The following ZFP90 variants were observed in gnomAD, a reference collection of about 807,000 sequenced individuals.
ZFP90 encodes the protein ZFP90 zinc finger protein, also known as zinc finger protein 90 homolog.
ZFP90 carries 38 observed loss-of-function variants against 60.8 expected under a neutral mutation model. The ratio of observed to expected loss-of-function variants is 0.62; its 90% CI spans 0.48 to 0.82. The LOEUF is 0.82. Ranked by LOEUF, ZFP90 falls within the 40% of genes least tolerant of loss-of-function variation. The pLI, the probability that ZFP90 is intolerant of heterozygous loss-of-function variation, is 0.00. For synonymous variants in ZFP90, 287 were observed against 264.8 expected, an observed-to-expected ratio of 1.08 and a Z score of -0.82; for missense variants, 711 against 759.1, an observed-to-expected ratio of 0.94 and a Z score of 0.74.
At chr16:68,561,156 A>G (rs28636033) in intron 4 of ZFP90, among the ~76,000 whole-genome samples, 3 of 152,164 alleles carry the variant, frequency 2.0e-5, no homozygotes, top group African/African-American at 7.2e-5. Context: ...AGGCCTCCCA[A>G]AGTGCTGGGA....
chr16:68,576,420 G>T (rs887683647), downstream of ZFP90, among the ~76,000 whole-genome samples: 1 of 152,176 alleles, frequency 6.6e-6, no homozygotes, highest in East Asian at 1.9e-4. Context: ...AAAAGGAAAA[G>T]CTGGGTAATA....
chr16:68,574,251 AAAAAG>A (rs1257620993), intron 2 of ZFP90: 4 of 135,158 alleles, frequency 3.0e-5, no homozygotes, highest in South Asian at 4.4e-4. Context: ...AAAAAAAAAA[AAAAAG>A]GTTTTTCTTT....
At chr16:68,551,885 A>G (rs796157601) in intron 2 of ZFP90, among the ~76,000 whole-genome samples, 5 of 151,998 alleles carry the variant, frequency 3.3e-5, no homozygotes, top group African/African-American at 1.2e-4. Context: ...CAGCCTCCTC[A>G]GTATCTGGGA....
rs774346906 is a variant in ZFP90 at position 68,563,208 on chromosome 16, G to C, written c.421G>C (p.Glu141Gln). ...QENWKRHLGS[E>Q]ASTQKKIITP... ...AAACTGGAAGAGACATCTGGGATCA[G>C]AGGCATCCACCCAGAAGAAAATAAT... The change falls in exon 5 of 5, where the codon GAG (glutamate) becomes CAG (glutamine). Residue 141 changes from glutamate to glutamine, a missense_variant. Coordinates refer to ENST00000563169, the MANE Select transcript of ZFP90 (RefSeq NM_001305203.2). 6.2e-7 allele frequency: 1 copy of C among 1,614,122 alleles called. No homozygotes were observed. The highest frequency in any genetic ancestry group is 2.2e-5 in the East Asian group (1 of 44,892).
chr16:68,575,677 G>T, intron 2 of ZFP90: 1 of 395,210 alleles, frequency 2.5e-6, no homozygotes. Flanking sequence ...ATGCCAGATG[G>T]GAAGACAGGT....
At chr16:68,569,228 C>T (rs576974220), downstream of ZFP90, among the ~76,000 whole-genome samples, 3 of 151,560 alleles carry the variant, frequency 2.0e-5, no homozygotes. Flanking sequence ...CTTCCGCCTA[C>T]CAGGTTGAAG....
upstream of ZFP90, among the ~76,000 whole-genome samples, chr16:68,537,826 T>G (rs1009843005): frequency 7.2e-5 from 11 of 152,208 alleles, no homozygotes; most frequent in Non-Finnish European, 2.9e-5. Flanking sequence ...CCCTGTGCTA[T>G]TGACGTGTTA....
At chr16:68,567,745 G>C (rs1460880876), downstream of ZFP90, among the ~76,000 whole-genome samples, 2 of 152,102 alleles carry the variant, frequency 1.3e-5, no homozygotes, top group Admixed American at 6.5e-5. Context: ...TTTTGCTCAA[G>C]CTAATTTTTT....
Position 68,543,046 on chromosome 16 carries a change from G to A in ZFP90, c.33+3221G>A, listed in dbSNP as rs1010682053. 2.0e-5 allele frequency among the ~76,000 whole-genome samples: 3 copies of A among 152,190 alleles called. No homozygotes were observed. In the South Asian group the frequency reaches 6.2e-4, roughly 32 times the overall value. ...GTCTGAGTGGGGAGGTGGGAGGTTT[G>A]TAGTCGGGGTGCAATTTAAAATGAT... On this transcript the variant is annotated intron_variant, in intron 2 of 4. Transcript: ENST00000563169.
At position 68,565,093 on chromosome 16, in the gene ZFP90, A is replaced by G. The variant is rs2091504807; in HGVS notation, c.*395A>G. The G allele has an allele frequency of 1.0e-6, 1 of 995,890 alleles. No homozygotes were observed. Among genetic ancestry groups the G allele is most frequent in the East Asian group, 1.1e-4 (1 of 9,228 alleles). The allele number at this position is 995,890 out of a possible 1,614,324, so 61.7% of individuals were successfully genotyped here. ...TAAAAATTGCTTGACAACTGCACTC[A>G]ACTGCAGCTCTTACATTAACTTCAC... is the stretch of plus-strand genomic sequence containing the variant. On this transcript the variant is annotated 3_prime_UTR_variant, in exon 5 of 5. Transcript: ENST00000563169.
chr16:68,574,636 C>CG (rs1567418126), intron 2 of ZFP90, among the ~76,000 whole-genome samples: 1 of 152,102 alleles, frequency 6.6e-6, no homozygotes, highest in East Asian at 1.9e-4. Flanking sequence ...ATGAAAGACA[C>CG]GCGTGGACCG....
Position 68,563,151 on chromosome 16 carries a change from G to A in ZFP90, c.364G>A (p.Asp122Asn). Reference protein sequence around the residue: ...LLHATLEDSWDVSSQLDRQQE... With the variant: ...LLHATLEDSWNVSSQLDRQQE... ...ACATGCTACATTAGAAGACTCCTGG[G>A]ATGTTAGCAGCCAGTTAGACAGGCA... The change falls in exon 5 of 5, where the codon GAT becomes AAT. Residue 122 changes from aspartate (D) to asparagine (N), a missense_variant. Asp to Asn is a conservative substitution (Grantham distance 23, BLOSUM62 1). Coordinates refer to ENST00000563169, the MANE Select transcript of ZFP90 (RefSeq NM_001305203.2). The A allele has an allele frequency of 6.2e-7, 1 of 1,614,138 alleles. No individual in the cohort carries two copies. The highest frequency in any genetic ancestry group is 8.5e-7 in the Non-Finnish European group (1 of 1,180,018).
intron 2 of ZFP90, among the ~76,000 whole-genome samples, chr16:68,545,410 A>G (rs1257409881): frequency 6.6e-6 from 1 of 152,198 alleles, no homozygotes; most frequent in Admixed American, 6.5e-5. Flanking sequence ...AGTCACAATG[A>G]GCCTATTTTA....
rs1232664209 is a variant in ZFP90 at position 68,539,696 on chromosome 16, G to T, written c.-35-62G>T. On this transcript the variant is annotated intron_variant, in intron 1 of 4. Transcript: ENST00000563169. Reference sequence around the variant, plus strand: ...GTGGTTTAGGGGCGGAGGTGGGGCGGGGCGGGGCGGGGTGGGGTCGGTGTT... The same window carrying T: ...GTGGTTTAGGGGCGGAGGTGGGGCGTGGCGGGGCGGGGTGGGGTCGGTGTT... 8 of 1,341,604 alleles carry T rather than the reference G, an allele frequency of 6.0e-6. No individual in the cohort carries two copies. The Admixed American group carries it at 1.9e-4, about 31-fold the overall frequency. The allele number at this position is 1,341,604 out of a possible 1,614,324, so 83.1% of individuals were successfully genotyped here. A position where few individuals can be genotyped will look rare whatever the true frequency, so the allele number is the denominator to read the frequency against.
chr16:68,561,164 G>A (rs2091434540), intron 4 of ZFP90, among the ~76,000 whole-genome samples: 1 of 152,166 alleles, frequency 6.6e-6, no homozygotes, highest in Non-Finnish European at 1.5e-5. Context: ...CAAAGTGCTG[G>A]GATTACAGGC....
chr16:68,576,505 G>C (rs2091594753), downstream of ZFP90, among the ~76,000 whole-genome samples: 1 of 152,156 alleles, frequency 6.6e-6, no homozygotes, highest in Non-Finnish European at 1.5e-5. Context: ...CCAGCACTTT[G>C]GGAGGCCGAG....
chr16:68,537,974 G>A (rs1388025209), upstream of ZFP90, among the ~76,000 whole-genome samples: 2 of 151,930 alleles, frequency 1.3e-5, no homozygotes, highest in Admixed American at 6.6e-5. Context: ...GTGCAATGGT[G>A]CAATCTCGGC....
At chr16:68,555,116 G>A (rs2091322751) in intron 2 of ZFP90, 1 of 152,224 alleles carries the variant, frequency 6.6e-6, no homozygotes, top group Non-Finnish European at 1.5e-5. Flanking sequence ...CTACCTTGAA[G>A]TGTTCTCTCC....
In ZFP90 at chr16:68,564,795, CGT is replaced by C; in HGVS notation, c.*104_*105del. The C allele has an allele frequency of 6.8e-7, 1 of 1,463,686 alleles. No individual in the cohort carries two copies. Among genetic ancestry groups the C allele is most frequent in the Non-Finnish European group, 9.0e-7 (1 of 1,113,078 alleles). 90.7% of individuals were successfully genotyped at this position (1,463,686 alleles called of 1,614,324 possible). ...GAGAGCTTGGGAATGTAATGAATTACGTGTGTGTTTATACGTTGTGTGTGGAG... is the reference window on the plus strand; with the variant it reads ...GAGAGCTTGGGAATGTAATGAATTACGTGTGTTTATACGTTGTGTGTGGAG... On this transcript the variant is annotated 3_prime_UTR_variant, in exon 5 of 5. Coordinates refer to ENST00000563169, the MANE Select transcript of ZFP90 (RefSeq NM_001305203.2).
Sources: gnomAD v4.1 joint callset for allele counts (sites outside exome capture counted in the v4.1 genomes callset) on GRCh38, gnomAD v4.1.1 for gene constraint, MANE v1.5 for transcripts, NCBI Gene and HGNC (gene_info 2026-07-23, HGNC 2026-07-21) for gene names.